Variants in LPP observed in about 807,000 individuals in gnomAD.
The protein encoded by LPP is lipoma-preferred partner.
In LPP, 38 loss-of-function variants were observed where a neutral mutation model predicts 60.4. That is an observed-to-expected ratio of 0.63 (90% confidence interval 0.49 to 0.83). The LOEUF (loss-of-function observed/expected upper bound fraction) is 0.83. LPP is among the 40% of genes least tolerant of loss of function. The pLI is 0.00. For synonymous variants in LPP, 328 were observed against 290.8 expected, an observed-to-expected ratio of 1.13 and a Z score of -1.30; for missense variants, 902 against 783.6, an observed-to-expected ratio of 1.15 and a Z score of -1.80.
chr3:188,544,300 G>A (rs1481915541), intron 6 of LPP, among the ~76,000 whole-genome samples: 1 of 152,164 alleles, frequency 6.6e-6, no homozygotes, highest in Non-Finnish European at 1.5e-5. Flanking sequence ...CCTCTGAGTG[G>A]CTGTGTCACC....
In LPP at chr3:188,889,445, ACTTG is replaced by A. The variant is rs1771022706; in HGVS notation, c.*14968_*14971del. 4.3e-6 allele frequency: 1 copy of A among 231,508 alleles called. No homozygotes were observed. The highest frequency in any genetic ancestry group is 2.2e-5 in the African/African-American group (1 of 45,240). The allele number at this position is 231,508 out of a possible 1,614,324, so 14.3% of individuals were successfully genotyped here. A position where few individuals can be genotyped will look rare whatever the true frequency, so the allele number is the denominator to read the frequency against. On this transcript the variant is annotated 3_prime_UTR_variant, in exon 12 of 12. Coordinates refer to ENST00000617246, the MANE Select transcript of LPP (RefSeq NM_001375462.1). ...CTGACTCAACCAGCTGGCAGATTAC[ACTTG>A]CCAAGTCGTTCCCTTTCCTTCTAAG...
intron 9 of LPP, among the ~76,000 whole-genome samples, chr3:188,812,378 C>T (rs943752473): frequency 3.9e-5 from 6 of 152,232 alleles, no homozygotes; most frequent in Non-Finnish European, 8.8e-5. Context: ...TAGCATAAAT[C>T]TCCAGTTCCA....
chr3:188,523,342 G>A (rs1167360256), intron 5 of LPP, among the ~76,000 whole-genome samples: 3 of 152,114 alleles, frequency 2.0e-5, no homozygotes, highest in African/African-American at 7.2e-5. Flanking sequence ...GGCCCAGGAA[G>A]GATTAACTCA....
intron 9 of LPP, among the ~76,000 whole-genome samples, chr3:188,791,468 C>T (rs896329312): frequency 1.3e-5 from 2 of 152,078 alleles, no homozygotes; most frequent in South Asian, 2.1e-4. Context: ...TTGTCATTGG[C>T]CTTGTGTTGG....
rs2150868991 is a variant in LPP, at chr3:188,572,806, A to G, written c.430-36355A>G. 6.6e-6 allele frequency among the ~76,000 whole-genome samples: 1 copy of G among 152,240 alleles called. No individual in the cohort carries two copies. Among genetic ancestry groups the G allele is most frequent in the South Asian group, 2.1e-4 (1 of 4,822 alleles). ...CAAGGGTTTATTTCTTACTTATGCT[A>G]CTTGTTCATCATAGGACAGAAGGAG... On this transcript the variant is annotated intron_variant, in intron 6 of 11. Coordinates refer to ENST00000617246, the MANE Select transcript of LPP (RefSeq NM_001375462.1). This position sits in a 1 kb window ranked among gnomAD's most constrained non-coding sequence, Gnocchi z 4.1.
At chr3:188,824,115 A>T (rs1248759112) in intron 9 of LPP, among the ~76,000 whole-genome samples, 1 of 152,222 alleles carries the variant, frequency 6.6e-6, no homozygotes, top group Non-Finnish European at 1.5e-5. Flanking sequence ...TTCTGGCTCT[A>T]CTGTATACTA....
At chr3:188,229,980 C>T (rs1472291018) in intron 2 of LPP, among the ~76,000 whole-genome samples, 1 of 152,142 alleles carries the variant, frequency 6.6e-6, no homozygotes, top group Admixed American at 6.5e-5. Flanking sequence ...GTTAGTGAAC[C>T]TCATGATCTT....
At chr3:188,269,247 C>T (rs1460023871) in intron 2 of LPP, among the ~76,000 whole-genome samples, 1 of 152,198 alleles carries the variant, frequency 6.6e-6, no homozygotes, top group Admixed American at 6.5e-5. Context: ...ATTTTATGAG[C>T]TCCATGTTGA....
At chr3:188,179,668 C>G in intron 1 of LPP, 2 of 364,800 alleles carry the variant, frequency 5.5e-6, no homozygotes, top group South Asian at 4.1e-5. Context: ...CAGCAAGCCT[C>G]TCTGCAGTCT....
At chr3:188,701,814 T>G (rs143718323) in intron 7 of LPP, among the ~76,000 whole-genome samples, 7 of 152,228 alleles carry the variant, frequency 4.6e-5, no homozygotes, top group Middle Eastern at 3.4e-3. Context: ...TACACTTACT[T>G]CAGAAGCATG....
intron 6 of LPP, among the ~76,000 whole-genome samples, chr3:188,582,285 C>T (rs1266877106): frequency 1.3e-5 from 2 of 151,472 alleles, no homozygotes; most frequent in African/African-American, 2.4e-5. Context: ...CTCAGCCTCC[C>T]GAGTAGCTGT....
intron 2 of LPP, among the ~76,000 whole-genome samples, chr3:188,296,916 A>T (rs1748096940): frequency 6.6e-6 from 1 of 152,222 alleles, no homozygotes; most frequent in South Asian, 2.1e-4. Flanking sequence ...CTGCCTCCTC[A>T]TCTGAGAACA....
rs373375638 is a variant in LPP, at chr3:188,316,856, T to C, written c.-66-24807T>C. On this transcript the variant is annotated intron_variant, in intron 2 of 11. Transcript: ENST00000617246. ...TCCGCCTTTCTGTCTCTGCAGCTAG[T>C]GGTATTTCCAGGTTCCCAGGGAACC... is the stretch of plus-strand genomic sequence containing the variant. Among the ~76,000 whole-genome samples, 46 of 152,348 alleles carry C rather than the reference T, an allele frequency of 3.0e-4. No individual in the cohort carries two copies. In the East Asian group the frequency reaches 5.6e-3, roughly 19 times the overall value.
At chr3:188,843,406 A>G (rs1760533841) in intron 9 of LPP, among the ~76,000 whole-genome samples, 1 of 152,102 alleles carries the variant, frequency 6.6e-6, no homozygotes, top group African/African-American at 2.4e-5. Context: ...CCACTCCATC[A>G]CCAGGACTTA....
chr3:188,388,161 A>G (rs1241493661), intron 3 of LPP, among the ~76,000 whole-genome samples: 3 of 152,108 alleles, frequency 2.0e-5, no homozygotes, highest in African/African-American at 7.2e-5. Flanking sequence ...TTTAGTGAGA[A>G]TTGTGCAATT....
At chr3:188,689,826 G>C (rs944456484) in intron 7 of LPP, among the ~76,000 whole-genome samples, 1 of 152,068 alleles carries the variant, frequency 6.6e-6, no homozygotes, top group African/African-American at 2.4e-5. Flanking sequence ...CTGTTTGTTA[G>C]AGGTTTCCTG....
At chr3:188,349,149 T>C (rs1322896037) in intron 3 of LPP, among the ~76,000 whole-genome samples, 1 of 152,212 alleles carries the variant, frequency 6.6e-6, no homozygotes, top group Non-Finnish European at 1.5e-5. Context: ...CCACACTGGC[T>C]GCTTTACCCT....
intron 3 of LPP, among the ~76,000 whole-genome samples, chr3:188,366,540 G>T (rs1333466760): frequency 6.6e-6 from 1 of 152,132 alleles, no homozygotes; most frequent in Admixed American, 6.5e-5. Context: ...TTCCACCCAG[G>T]TGCTGCACTC....
chr3:188,741,244 G>GT (rs894315554), intron 8 of LPP, among the ~76,000 whole-genome samples: 3 of 148,316 alleles, frequency 2.0e-5, no homozygotes, highest in African/African-American at 7.6e-5. Flanking sequence ...CCTTTGAATT[G>GT]GGGGGGGAAG....
Sources: allele counts gnomAD v4.1 joint callset (sites outside exome capture counted in the v4.1 genomes callset), GRCh38; gene constraint gnomAD v4.1.1; non-coding constraint Gnocchi (gnomAD v3.1); transcripts MANE v1.5; gene names NCBI Gene and HGNC (gene_info 2026-07-23, HGNC 2026-07-21).